Variants in SORCS3 observed in about 807,000 individuals in gnomAD.
SORCS3 encodes VPS10 domain-containing receptor SorCS3.
SORCS3 carries 57 observed loss-of-function variants against 146.3 expected under a neutral mutation model. That is an observed-to-expected ratio of 0.39 (90% CI 0.31 to 0.49). SORCS3 has a LOEUF of 0.49. Ranked by LOEUF, SORCS3 falls within the 20% of genes least tolerant of loss-of-function variation. The probability of loss-of-function intolerance (pLI) is 0.92; values close to 1 mark genes in which losing one functional copy is unlikely to be tolerated. For synonymous variants in SORCS3, 653 were observed against 618.5 expected (o/e 1.06, Z -0.83); for missense variants, 1,341 against 1,575.5 (o/e 0.85, Z 2.52).
intron 1 of SORCS3, among the ~76,000 whole-genome samples, chr10:104,701,085 G>A (rs2016274471): frequency 6.6e-6 from 1 of 152,156 alleles, no homozygotes. Context: ...GGCTCTTGTA[G>A]GAGATAAAAT....
chr10:105,226,459 A>G (rs2056734592), intron 20 of SORCS3, among the ~76,000 whole-genome samples: 1 of 152,014 alleles, frequency 6.6e-6, no homozygotes, highest in South Asian at 2.1e-4. Flanking sequence ...TCAGTTTGTT[A>G]GTATTTCATT....
intron 1 of SORCS3, among the ~76,000 whole-genome samples, chr10:104,679,287 A>C (rs2015945198): frequency 1.3e-5 from 2 of 152,130 alleles, no homozygotes; most frequent in African/African-American, 4.8e-5. Context: ...GAGGGAAGTA[A>C]AAGCTGTTGT....
chr10:104,685,475 A>G (rs1446965596), intron 1 of SORCS3, among the ~76,000 whole-genome samples: 1 of 152,178 alleles, frequency 6.6e-6, no homozygotes, highest in African/African-American at 2.4e-5. Context: ...AGGAAGAGGC[A>G]GCAGCTGCAA....
At chr10:104,779,835 TG>T (rs2017352736) in intron 1 of SORCS3, among the ~76,000 whole-genome samples, 1 of 152,198 alleles carries the variant, frequency 6.6e-6, no homozygotes, top group African/African-American at 2.4e-5. Flanking sequence ...GTCTCTACTC[TG>T]CCCTGCCTCA....
chr10:105,149,982 G>A (rs2056157098), intron 9 of SORCS3, among the ~76,000 whole-genome samples: 1 of 152,102 alleles, frequency 6.6e-6, no homozygotes, highest in Non-Finnish European at 1.5e-5. Context: ...AACAGACAGG[G>A]CAACTTTAAA....
At chr10:104,940,238 A>ATATATATATATATT (rs1435205868) in intron 3 of SORCS3, among the ~76,000 whole-genome samples, 65 of 31,404 alleles carry the variant, frequency 2.1e-3, no homozygotes, top group East Asian at 4.2e-3. Context: ...ATATATATAT[A>ATATATATATATATT]TTTTTTTTTT....
chr10:105,232,470 T>G (rs999305758), intron 20 of SORCS3, among the ~76,000 whole-genome samples: 4 of 152,180 alleles, frequency 2.6e-5, no homozygotes, highest in South Asian at 4.1e-4. Context: ...TTAACTTTAT[T>G]GATATTTTCA....
At chr10:105,102,569 A>G (rs1024717638) in intron 6 of SORCS3, among the ~76,000 whole-genome samples, 3 of 152,152 alleles carry the variant, frequency 2.0e-5, no homozygotes, top group Admixed American at 1.3e-4. Flanking sequence ...TAGAAAAACT[A>G]TCGTGTGCTA....
At chr10:104,701,420 G>T (rs555275812) in intron 1 of SORCS3, among the ~76,000 whole-genome samples, 1 of 152,280 alleles carries the variant, frequency 6.6e-6, no homozygotes, top group South Asian at 2.1e-4. Flanking sequence ...TTAACAATCG[G>T]TCTTTGTCTT....
At chr10:105,098,291 T>C (rs764556289) in intron 6 of SORCS3, among the ~76,000 whole-genome samples, 2 of 152,292 alleles carry the variant, frequency 1.3e-5, no homozygotes, top group South Asian at 2.1e-4. Flanking sequence ...AGAGTAAAAC[T>C]CACTTTATGG....
Position 105,003,998 on chromosome 10 carries a change from C to CTTTTTTTTTTTTTTTTTTTTTT in SORCS3, c.954+26506_954+26507insTTTTTTTTTTTTTTTTTTTTTT, listed in dbSNP as rs35604992. On this transcript the variant is annotated intron_variant, in intron 4 of 26. Coordinates refer to ENST00000369701, the MANE Select transcript of SORCS3 (RefSeq NM_014978.3). ...TTCCCCTCCTTTTTTTCTCTTCTCT[C>CTTTTTTTTTTTTTTTTTTTTTT]TCTTTTTTTTTTTTTTACCAGAGAA... 3.6e-3 allele frequency among the ~76,000 whole-genome samples: 491 copies of CTTTTTTTTTTTTTTTTTTTTTT among 135,928 alleles called. 31 individuals carry two copies. The highest frequency in any genetic ancestry group is 8.3e-3 in the Middle Eastern group (2 of 242). 89.2% of individuals were successfully genotyped at this position (135,928 alleles called of 152,430 possible).
chr10:104,841,518 C>T (rs1186799877), intron 1 of SORCS3, among the ~76,000 whole-genome samples: 2 of 152,194 alleles, frequency 1.3e-5, no homozygotes, highest in Middle Eastern at 3.4e-3. Flanking sequence ...GATCATATCC[C>T]TTGCCTTTAA....
intron 1 of SORCS3, among the ~76,000 whole-genome samples, chr10:104,806,072 T>G (rs2017677053): frequency 6.6e-6 from 1 of 152,168 alleles, no homozygotes; most frequent in Non-Finnish European, 1.5e-5. Context: ...CTTTTTTACT[T>G]TCTGTAAAGT....
intron 1 of SORCS3, among the ~76,000 whole-genome samples, chr10:104,838,466 A>G (rs2018097625): frequency 6.6e-6 from 1 of 151,922 alleles, no homozygotes; most frequent in Non-Finnish European, 1.5e-5. Flanking sequence ...TTGGCATAGA[A>G]TGTCTTAAGC....
intron 8 of SORCS3, 102 bp from the exon 9 acceptor site, chr10:105,147,515 C>A: frequency 9.6e-7 from 1 of 1,038,882 alleles, no homozygotes; most frequent in Non-Finnish European, 1.4e-6. Flanking sequence ...ATAACTCAAG[C>A]TTTTTCTCAG....
intron 2 of SORCS3, among the ~76,000 whole-genome samples, chr10:104,855,790 C>T (rs1403365188): frequency 6.6e-6 from 1 of 151,988 alleles, no homozygotes; most frequent in Non-Finnish European, 1.5e-5. Context: ...AGCTGGAGTG[C>T]AGTGGTGTGA....
intron 6 of SORCS3, among the ~76,000 whole-genome samples, chr10:105,093,110 T>A (rs1411674897): frequency 1.3e-5 from 2 of 152,244 alleles, no homozygotes; most frequent in African/African-American, 4.8e-5. Flanking sequence ...AACTAATATG[T>A]GAGTTGAGCA....
At chr10:105,060,984 A>G (rs776827243) in intron 5 of SORCS3, among the ~76,000 whole-genome samples, 2 of 152,086 alleles carry the variant, frequency 1.3e-5, no homozygotes, top group Non-Finnish European at 2.9e-5. Context: ...CAATTTAAGT[A>G]TAGAAAATAA....
intron 2 of SORCS3, among the ~76,000 whole-genome samples, chr10:104,868,080 C>T (rs1005081244): frequency 2.6e-5 from 4 of 152,154 alleles, no homozygotes; most frequent in African/African-American, 9.7e-5. Context: ...TTTTCATATA[C>T]GATTGTTTTT....
Sources: gnomAD v4.1 joint callset for allele counts (sites outside exome capture counted in the v4.1 genomes callset) on GRCh38, gnomAD v4.1.1 for gene constraint, MANE v1.5 for transcripts, NCBI Gene and HGNC (gene_info 2026-07-23, HGNC 2026-07-21) for gene names.